EIF2AK4: variants seen among roughly 807,000 people sequenced by gnomAD.
EIF2AK4 encodes eIF-2-alpha kinase GCN2.
A neutral mutation model predicts 211.1 loss-of-function variants in EIF2AK4; 139 were observed. That is an observed-to-expected ratio of 0.66 (90% CI 0.57 to 0.76). The LOEUF (loss-of-function observed/expected upper bound fraction) is 0.76. EIF2AK4 is among the 30% of genes least tolerant of loss of function. EIF2AK4 has a pLI of 0.00. For synonymous variants in EIF2AK4, 710 were observed against 751.3 expected (o/e 0.94, Z 0.90); for missense variants, 1,664 against 2,043.8 (o/e 0.81, Z 3.58).
At chr15:39,950,042 T>C (rs1023179305) in intron 4 of EIF2AK4, among the ~76,000 whole-genome samples, 1 of 152,076 alleles carries the variant, frequency 6.6e-6, no homozygotes, top group East Asian at 1.9e-4. Flanking sequence ...TATTTGTTTT[T>C]TCTATTTAGC....
At position 40,003,204 on chromosome 15, in the gene EIF2AK4, T is replaced by G. The variant is rs1211260520; in HGVS notation, c.3247T>G (p.Leu1083Val). The change falls in exon 23 of 39, where the codon TTG becomes GTG. Residue 1083 changes from leucine (L) to valine (V), a missense_variant. Leu to Val is a conservative substitution (Grantham distance 32, BLOSUM62 1). Transcript: ENST00000263791. ...RIFKRHGAVQ[L>V]CTPLLLPRNR... ...CTCATTTGGTGTAGGAGCTGTTCAGTTGTGTACTCCACTACTGCTTCCCCG... is the reference window on the plus strand; with the variant it reads ...CTCATTTGGTGTAGGAGCTGTTCAGGTGTGTACTCCACTACTGCTTCCCCG... 1 of 1,614,064 alleles carries G rather than the reference T, an allele frequency of 6.2e-7. No homozygotes were observed. Among genetic ancestry groups the G allele is most frequent in the East Asian group, 2.2e-5 (1 of 44,898 alleles).
intron 14 of EIF2AK4, among the ~76,000 whole-genome samples, chr15:39,987,403 T>C (rs928525221): frequency 1.3e-5 from 2 of 152,198 alleles, no homozygotes; most frequent in African/African-American, 2.4e-5. Flanking sequence ...TTGAAGCATA[T>C]AGGCTAGTTT....
intron 24 of EIF2AK4, 73 bp downstream of exon 24, chr15:40,007,138 T>C: frequency 1.5e-6 from 2 of 1,296,892 alleles, no homozygotes; most frequent in East Asian, 2.4e-5. Flanking sequence ...CAGGAAAGAA[T>C]ATTTTATTTC....
At chr15:40,018,950 T>C (rs2035346211) in intron 29 of EIF2AK4, 143 bp from the exon 30 acceptor site, 4 of 664,278 alleles carry the variant, frequency 6.0e-6, no homozygotes, top group Non-Finnish European at 1.0e-5. Flanking sequence ...TGCTTCTCTA[T>C]TTTACTACAC....
chr15:40,016,587 C>G lies in EIF2AK4; in HGVS notation c.3845C>G (p.Thr1282Arg). 2 of 1,614,092 alleles carry G rather than the reference C, an allele frequency of 1.2e-6. No individual in the cohort carries two copies. The highest frequency in any genetic ancestry group is 1.7e-6 in the Non-Finnish European group (2 of 1,180,026). ...PTINSLIKQK[T>R]GIAQLVKYGL... Reference sequence around the variant, plus strand: ...ATAAATTCATTAATAAAACAGAAAACAGGTATTGCACAGTTGGTGAAGTAT... The same window carrying G: ...ATAAATTCATTAATAAAACAGAAAAGAGGTATTGCACAGTTGGTGAAGTAT... Residue 1282 changes from threonine to arginine, a missense_variant, in exon 28 of 39, where the codon ACA (threonine) becomes AGA (arginine). Physicochemically the swap from Thr to Arg is moderately conservative, Grantham distance 71. Around this residue, in one of 7 missense-constraint regions of EIF2AK4, gnomAD observed 622 missense variants for 796.8 expected, o/e 0.78. Coordinates refer to ENST00000263791, the MANE Select transcript of EIF2AK4 (RefSeq NM_001013703.4).
chr15:39,942,375 GGTTT>G (rs1453459297), intron 2 of EIF2AK4, among the ~76,000 whole-genome samples: 3 of 151,976 alleles, frequency 2.0e-5, no homozygotes, highest in Admixed American at 1.3e-4. Context: ...AGGACTGTAT[GGTTT>G]GTTTTTCTGT....
At chr15:40,027,897 A>AG (rs1222779043) in intron 33 of EIF2AK4, among the ~76,000 whole-genome samples, 1 of 151,840 alleles carries the variant, frequency 6.6e-6, no homozygotes. Context: ...CTCAAAAAAA[A>AG]AAACAAAAAG....
At chr15:40,010,845 A>C (rs2035225781) in intron 26 of EIF2AK4, among the ~76,000 whole-genome samples, 1 of 152,160 alleles carries the variant, frequency 6.6e-6, no homozygotes, top group Admixed American at 6.5e-5. Flanking sequence ...ACACTGGCAG[A>C]AACCCCAGGG....
Position 40,001,983 on chromosome 15 carries a change from T to C in EIF2AK4, c.3160-730T>C, listed in dbSNP as rs530206352. Among the ~76,000 whole-genome samples the C allele has an allele frequency of 2.0e-5, 3 of 152,330 alleles. No individual in the cohort carries two copies. In the East Asian group the frequency reaches 5.8e-4, roughly 29 times the overall value. Reference sequence around the variant, plus strand: ...ATATTAGTGAAATGTTAAAATGTGTTAAAGTTGGGTGAGTAGGTAACAGGT... The same window carrying C: ...ATATTAGTGAAATGTTAAAATGTGTCAAAGTTGGGTGAGTAGGTAACAGGT... On this transcript the variant is annotated intron_variant, in intron 21 of 38. Transcript: ENST00000263791.
intron 3 of EIF2AK4, chr15:39,946,909 C>G (rs2034236009): frequency 4.2e-6 from 2 of 474,626 alleles, no homozygotes. Flanking sequence ...ACATTGATTT[C>G]TACAGACATA....
At position 40,034,445 on chromosome 15, in the gene EIF2AK4, G is replaced by T. The variant is rs1351835327; in HGVS notation, c.4892+1G>T. On this transcript the variant is annotated splice_donor_variant, in intron 38 of 38. Transcript: ENST00000263791. LOFTEE classifies it high-confidence loss of function. ...TTTATAACATCAAAGTAGAAAAAAAGTAAGTTATCACTTGGGCATAGCAGG... is the reference window on the plus strand; with the variant it reads ...TTTATAACATCAAAGTAGAAAAAAATTAAGTTATCACTTGGGCATAGCAGG... 1.9e-6 allele frequency: 3 copies of T among 1,610,628 alleles called. No homozygotes were observed. Among genetic ancestry groups the T allele is most frequent in the East Asian group, 4.5e-5 (2 of 44,824 alleles).
In EIF2AK4 at chr15:40,018,250, T is replaced by C. The variant is rs1286141466; in HGVS notation, c.4066-843T>C. Among the ~76,000 whole-genome samples the C allele has an allele frequency of 2.0e-5, 3 of 152,222 alleles. No individual in the cohort carries two copies. In the East Asian group the frequency reaches 5.8e-4, roughly 29 times the overall value. On this transcript the variant is annotated intron_variant, in intron 29 of 38. Transcript: ENST00000263791. ...AAATTTGCTGTTATTTGAGTTACTT[T>C]TCCCCTATAGGAAAGTTATTTCTGA...
At chr15:39,988,545 A>G (rs143051997) in intron 15 of EIF2AK4, among the ~76,000 whole-genome samples, 1 of 152,248 alleles carries the variant, frequency 6.6e-6, no homozygotes, top group African/African-American at 2.4e-5. Flanking sequence ...CATATTGCCT[A>G]TGGCTGTTTT....
At chr15:39,945,406 AAT>A (rs2034213721) in intron 3 of EIF2AK4, among the ~76,000 whole-genome samples, 2 of 152,234 alleles carry the variant, frequency 1.3e-5, no homozygotes, top group African/African-American at 2.4e-5. Context: ...GCCAAAGCAT[AAT>A]CTGGATCAAG....
At chr15:39,947,727 A>G (rs17720451) in intron 3 of EIF2AK4, among the ~76,000 whole-genome samples, 13,514 of 152,268 alleles carry the variant, frequency 0.089, 776 homozygotes, top group Middle Eastern at 0.23. Context: ...GTTCTTTACA[A>G]GGCATTCAGG....
Position 39,976,900 on chromosome 15 carries a change from TA to T in EIF2AK4, c.2249+57del, listed in dbSNP as rs1427569082. ...GATGCGCCCCCTAGTTTCCTTTCTT[TA>T]TTTTTTTTTCCTTTTTCCTTTCATT... On this transcript the variant is annotated intron_variant, in intron 12 of 38. Transcript: ENST00000263791. The T allele has an allele frequency of 9.3e-6, 13 of 1,390,868 alleles. No homozygotes were observed. In the East Asian group the frequency reaches 3.6e-4, roughly 39 times the overall value. The allele number at this position is 1,390,868 out of a possible 1,614,324, so 86.2% of individuals were successfully genotyped here.
chr15:39,982,288 C>A (rs1026754096), intron 13 of EIF2AK4, among the ~76,000 whole-genome samples: 1 of 152,150 alleles, frequency 6.6e-6, no homozygotes, highest in Non-Finnish European at 1.5e-5. Flanking sequence ...CTAAGCCTAC[C>A]ACCAAAAAAT....
intron 2 of EIF2AK4, among the ~76,000 whole-genome samples, chr15:39,941,428 A>G (rs1416082581): frequency 6.6e-6 from 1 of 152,190 alleles, no homozygotes; most frequent in African/African-American, 2.4e-5. Flanking sequence ...CCTGTTGCTC[A>G]GGAAATTCCA....
At chr15:39,964,400 G>A (rs73386700) in intron 7 of EIF2AK4, among the ~76,000 whole-genome samples, 2,724 of 152,210 alleles carry the variant, frequency 0.018, 93 homozygotes, top group African/African-American at 0.062. Context: ...TCAGCTGGGG[G>A]CCATTTTGTA....
Sources: gnomAD v4.1 joint callset for allele counts (sites outside exome capture counted in the v4.1 genomes callset) on GRCh38, gnomAD v4.1.1 for gene constraint, gnomAD v4.1.1 regional missense constraint, MANE v1.5 for transcripts, NCBI Gene and HGNC (gene_info 2026-07-23, HGNC 2026-07-21) for gene names.